Variants in ZNF654 observed in about 807,000 individuals in gnomAD.
ZNF654 encodes zinc finger protein 654, also known as melanoma-associated antigen.
A neutral mutation model predicts 95.3 loss-of-function variants in ZNF654; 19 were observed. The observed-to-expected ratio is 0.20, with a 90% CI of 0.14 to 0.29. The LOEUF is 0.29. ZNF654 is among the 10% of genes least tolerant of loss of function. ZNF654 has a pLI of 1.00. For missense variants in ZNF654, 1,046 were observed against 1,341.0 expected (o/e 0.78, Z 3.44); for synonymous variants, 413 against 457.9 (o/e 0.90, Z 1.25).
At position 88,142,420 on chromosome 3, in the gene ZNF654, G is replaced by A. The variant is rs1465243483; in HGVS notation, c.*768G>A. The A allele has an allele frequency of 6.6e-6, 1 of 152,282 alleles. No individual in the cohort carries two copies. Among genetic ancestry groups the A allele is most frequent in the East Asian group, 1.9e-4 (1 of 5,186 alleles). The allele number at this position is 152,282 out of a possible 1,614,324, so 9.4% of individuals were successfully genotyped here. A position where few individuals can be genotyped will look rare whatever the true frequency, so the allele number is the denominator to read the frequency against. ...CAATAAAATAGAAAAAAACCGATCA[G>A]TACTCTGGGGAGAGATGAAAGGAAT... On this transcript the variant is annotated 3_prime_UTR_variant, in exon 9 of 9. Coordinates refer to ENST00000636215, the MANE Select transcript of ZNF654 (RefSeq NM_001350134.2).
rs1486244345 is a variant in ZNF654 at position 88,106,194 on chromosome 3, T to C, written c.333-6921T>C. On this transcript the variant is annotated intron_variant, in intron 2 of 8. Coordinates refer to ENST00000636215, the MANE Select transcript of ZNF654 (RefSeq NM_001350134.2). ...TGGACTAAGATGTTCTTGAAGCCCA[T>C]CTGTGTTTGATTTTTCCTGAGCTGT... Among the ~76,000 whole-genome samples the C allele has an allele frequency of 2.0e-5, 3 of 152,330 alleles. No individual in the cohort carries two copies. In the East Asian group the frequency reaches 5.8e-4, roughly 29 times the overall value.
At chr3:88,069,604 A>T (rs1230857291) in intron 1 of ZNF654, among the ~76,000 whole-genome samples, 2 of 152,266 alleles carry the variant, frequency 1.3e-5, no homozygotes, top group Middle Eastern at 3.4e-3. Context: ...TGCCTTATAT[A>T]ATTGGCAAGC....
chr3:88,116,277 T>C (rs942190983), intron 3 of ZNF654, among the ~76,000 whole-genome samples: 1 of 152,034 alleles, frequency 6.6e-6, no homozygotes. Context: ...TCCCAGCACT[T>C]TGGGAGGCCG....
chr3:88,081,885 T>C (rs1355387051), intron 1 of ZNF654, among the ~76,000 whole-genome samples: 1 of 152,204 alleles, frequency 6.6e-6, no homozygotes, highest in Non-Finnish European at 1.5e-5. Context: ...TCTCAATGGA[T>C]AGCTAGGAAA....
intron 4 of ZNF654, among the ~76,000 whole-genome samples, chr3:88,127,159 C>T (rs1336406736): frequency 6.6e-6 from 1 of 151,926 alleles, no homozygotes; most frequent in East Asian, 1.9e-4. Flanking sequence ...TATGAGACAG[C>T]CAAGGGGAAA....
intron 2 of ZNF654, among the ~76,000 whole-genome samples, chr3:88,092,967 G>C (rs1195526699): frequency 6.6e-6 from 1 of 152,154 alleles, no homozygotes; most frequent in Non-Finnish European, 1.5e-5. Context: ...TGTTATTTCA[G>C]ATGTTACAGA....
chr3:88,106,147 G>A (rs767769846), intron 2 of ZNF654, among the ~76,000 whole-genome samples: 85 of 152,180 alleles, frequency 5.6e-4, no homozygotes, highest in Admixed American at 5.0e-3. Context: ...TCAGTCTCAG[G>A]TACTCTGTTA....
chr3:88,116,495 G>T (rs1203207501), intron 3 of ZNF654, among the ~76,000 whole-genome samples: 1 of 151,518 alleles, frequency 6.6e-6, no homozygotes, highest in African/African-American at 2.4e-5. Context: ...ACTCCATCCA[G>T]CCAGGGCAAC....
At chr3:88,073,488 AGTATCCCAGAAAAG>A (rs1707629919) in intron 1 of ZNF654, among the ~76,000 whole-genome samples, 1 of 152,228 alleles carries the variant, frequency 6.6e-6, no homozygotes, top group African/African-American at 2.4e-5. Context: ...AAGCTATCGA[AGTATCCCAGAAAAG>A]GAATTGAGGG....
At chr3:88,107,847 A>G (rs1478966345) in intron 2 of ZNF654, among the ~76,000 whole-genome samples, 7 of 152,028 alleles carry the variant, frequency 4.6e-5, no homozygotes, top group Admixed American at 1.3e-4. Context: ...TATATTTTCA[A>G]TGTCATCATT....
chr3:88,084,554 T>C (rs1405097812), intron 1 of ZNF654, among the ~76,000 whole-genome samples: 1 of 152,196 alleles, frequency 6.6e-6, no homozygotes, highest in Non-Finnish European at 1.5e-5. Flanking sequence ...AGATACAAGT[T>C]CAGAGACAAT....
chr3:88,086,050 A>G (rs547673166), intron 1 of ZNF654, among the ~76,000 whole-genome samples: 4 of 152,294 alleles, frequency 2.6e-5, no homozygotes, highest in Non-Finnish European at 4.4e-5. Flanking sequence ...TTCATACACT[A>G]TATTTTCCAT....
chr3:88,065,108 A>C (rs1707119377), intron 1 of ZNF654, among the ~76,000 whole-genome samples: 1 of 152,230 alleles, frequency 6.6e-6, no homozygotes, highest in Non-Finnish European at 1.5e-5. Flanking sequence ...TGCAAATGAA[A>C]ATTTTAGCTT....
intron 2 of ZNF654, among the ~76,000 whole-genome samples, chr3:88,104,694 G>A (rs1296291898): frequency 1.3e-5 from 2 of 152,180 alleles, no homozygotes; most frequent in African/African-American, 2.4e-5. Flanking sequence ...CTAAAAACAG[G>A]TGAATGTGTT....
rs73844892 is a variant in ZNF654 at position 88,143,131 on chromosome 3, T to G, written c.*1479T>G. ...AATCTCATCAGACCCTATTAGAGCT[T>G]CTTGAATGAGGCTATTACGGAAGTG... On this transcript the variant is annotated 3_prime_UTR_variant, in exon 9 of 9. Coordinates refer to ENST00000636215, the MANE Select transcript of ZNF654 (RefSeq NM_001350134.2). 3.0e-3 allele frequency: 461 copies of G among 152,436 alleles called. 3 individuals are homozygous for G. Among genetic ancestry groups the G allele is most frequent in the African/African-American group, 0.011 (443 of 41,554 alleles). 9.4% of individuals were successfully genotyped at this position (152,436 alleles called of 1,614,324 possible).
At chr3:88,130,662 C>T (rs1259817149) in intron 6 of ZNF654, among the ~76,000 whole-genome samples, 2 of 123,474 alleles carry the variant, frequency 1.6e-5, no homozygotes, top group Non-Finnish European at 3.4e-5. Flanking sequence ...CATTGTTTTG[C>T]CCAGGCCGGT....
chr3:88,129,771 C>A lies in ZNF654; in HGVS notation c.838C>A (p.Leu280Ile). ...AGGCAAAACTATGTTAGCCTTGCAACTCTGTGAATCCTTTCTTATTCCACA... is the reference window on the plus strand; with the variant it reads ...AGGCAAAACTATGTTAGCCTTGCAAATCTGTGAATCCTTTCTTATTCCACA... Reference protein sequence around the residue: ...KEGKTMLALQLCESFLIPQLQ... With the variant: ...KEGKTMLALQICESFLIPQLQ... Residue 280 changes from leucine to isoleucine, a missense_variant, in exon 6 of 9, where the codon CTC (leucine) becomes ATC (isoleucine). Leu to Ile is a conservative substitution (Grantham distance 5, BLOSUM62 2). This residue lies in a region of ZNF654 where 121 missense variants were observed against 141.7 expected (regional missense o/e 0.85). Coordinates refer to ENST00000636215, the MANE Select transcript of ZNF654 (RefSeq NM_001350134.2). 1 of 1,528,044 alleles carries A rather than the reference C, an allele frequency of 6.5e-7. No individual in the cohort carries two copies. The highest frequency in any genetic ancestry group is 2.5e-5 in the East Asian group (1 of 40,782). 94.7% of individuals were successfully genotyped at this position (1,528,044 alleles called of 1,614,324 possible).
intron 2 of ZNF654, among the ~76,000 whole-genome samples, chr3:88,096,446 A>G (rs1436600034): frequency 1.3e-5 from 2 of 152,086 alleles, no homozygotes; most frequent in African/African-American, 4.8e-5. Context: ...AAAGACCCTC[A>G]TTTCTCCTTC....
intron 4 of ZNF654, among the ~76,000 whole-genome samples, chr3:88,126,857 A>G (rs939815850): frequency 2.0e-5 from 3 of 152,142 alleles, no homozygotes; most frequent in African/African-American, 7.2e-5. Context: ...GTATTTCCCA[A>G]ACTTCATGCA....
Sources: gnomAD v4.1 joint callset for allele counts (sites outside exome capture counted in the v4.1 genomes callset) on GRCh38, gnomAD v4.1.1 for gene constraint, gnomAD v4.1.1 regional missense constraint, MANE v1.5 for transcripts, NCBI Gene and HGNC (gene_info 2026-07-23, HGNC 2026-07-21) for gene names.